RFC5: variants seen among roughly 807,000 people sequenced by gnomAD.
RFC5 encodes the protein replication factor C subunit 5, also known as A1 36 kDa subunit.
RFC5 carries 26 observed loss-of-function variants against 44.3 expected under a neutral mutation model. That is an observed-to-expected ratio of 0.59 (90% CI 0.43 to 0.81). The LOEUF is 0.81. RFC5 is among the 40% of genes least tolerant of loss of function. The pLI, the probability that RFC5 is intolerant of heterozygous loss-of-function variation, is 0.00. For missense variants in RFC5, 328 were observed against 418.6 expected (o/e 0.78, Z 1.89); for synonymous variants, 155 against 155.2 (o/e 1.00, Z 0.01).
intron 1 of RFC5, chr12:118,017,862 A>G (rs2030203904): frequency 1.5e-6 from 1 of 667,368 alleles, no homozygotes; most frequent in East Asian, 2.7e-5. Flanking sequence ...TGTACAATTC[A>G]GTGGCATTAA....
downstream of RFC5, among the ~76,000 whole-genome samples, chr12:118,037,652 C>G (rs1337512279): frequency 7.0e-6 from 1 of 143,222 alleles, no homozygotes; most frequent in Non-Finnish European, 1.5e-5. Flanking sequence ...TGGGCAACAA[C>G]AGCGAAACTC....
chr12:118,021,735 T>C lies in RFC5; in HGVS notation c.348-551T>C, dbSNP rs549684339. 6.0e-5 allele frequency among the ~76,000 whole-genome samples: 9 copies of C among 150,332 alleles called. No individual in the cohort carries two copies. In the South Asian group the frequency reaches 1.9e-3, roughly 32 times the overall value. Reference sequence around the variant, plus strand: ...ACTTTGGGAGGCCTAGGCAGGTGGATCACCTGAGATCAAGGGTTCAAGACC... The same window carrying C: ...ACTTTGGGAGGCCTAGGCAGGTGGACCACCTGAGATCAAGGGTTCAAGACC... On this transcript the variant is annotated intron_variant, in intron 4 of 10. Transcript: ENST00000454402.
intron 9 of RFC5, among the ~76,000 whole-genome samples, chr12:118,028,483 C>CAAAAAAAAAAAA (rs768496355): frequency 8.0e-6 from 1 of 125,544 alleles, no homozygotes; most frequent in Non-Finnish European, 1.7e-5. Context: ...GAGTTTGTCT[C>CAAAAAAAAAAAA]AAAAAAAAAA....
At chr12:118,029,001 T>A (rs1217656819) in intron 9 of RFC5, among the ~76,000 whole-genome samples, 1 of 152,272 alleles carries the variant, frequency 6.6e-6, no homozygotes, top group African/African-American at 2.4e-5. Context: ...CACAGGCCTC[T>A]TCCTGGCTGG....
intron 9 of RFC5, among the ~76,000 whole-genome samples, chr12:118,028,231 C>T (rs1379700795): frequency 1.3e-5 from 2 of 152,120 alleles, no homozygotes; most frequent in South Asian, 4.1e-4. Context: ...AGCCTGTAAT[C>T]CTAGCACTTT....
At chr12:118,025,677 A>T (rs2030882121) in intron 6 of RFC5, 70 bp from the exon 7 acceptor site, 1 of 861,672 alleles carries the variant, frequency 1.2e-6, no homozygotes, top group Non-Finnish European at 2.0e-6. Flanking sequence ...ATTCCAGGCC[A>T]TCTTGTTCCT....
chr12:118,039,025 A>C, the RFC5 span, among the ~76,000 whole-genome samples: 1 of 152,194 alleles, frequency 6.6e-6, no homozygotes, highest in African/African-American at 2.4e-5. Flanking sequence ...TAGGCTCCCC[A>C]ACCACCTCAA....
In RFC5 at chr12:118,016,802, G is replaced by T. The variant is rs887077422; in HGVS notation, c.-26G>T. The T allele has an allele frequency of 4.9e-5, 79 of 1,601,270 alleles. No homozygotes were observed. The highest frequency in any genetic ancestry group is 6.6e-5 in the Non-Finnish European group (77 of 1,173,296). ...CTTGGGTGACGCGACGATCTCAGCG[G>T]ATCTGGTCACCTTCGTCTCCCCGCC... On this transcript the variant is annotated 5_prime_UTR_variant, in exon 1 of 11. Coordinates refer to ENST00000454402, the MANE Select transcript of RFC5 (RefSeq NM_007370.7).
In RFC5 at chr12:118,026,599, A is replaced by C. The variant is rs184070236; in HGVS notation, c.664-290A>C. ...GAGCAACAGAGCAAGACCCTGTCTCAAAAAACAAAGAGAGAGCAAAAGAAA... is the reference window on the plus strand; with the variant it reads ...GAGCAACAGAGCAAGACCCTGTCTCCAAAAACAAAGAGAGAGCAAAAGAAA... On this transcript the variant is annotated intron_variant, in intron 7 of 10. Coordinates refer to ENST00000454402, the MANE Select transcript of RFC5 (RefSeq NM_007370.7). 5.8e-3 allele frequency among the ~76,000 whole-genome samples: 886 copies of C among 152,350 alleles called. 9 individuals are homozygous for C. The highest frequency in any genetic ancestry group is 0.02 in the African/African-American group (834 of 41,578).
At chr12:118,035,162 T>C (rs1404973184), downstream of RFC5, 1 of 1,612,348 alleles carries the variant, frequency 6.2e-7, no homozygotes, top group East Asian at 2.2e-5. Flanking sequence ...CTTGCTGCCA[T>C]TACTTGCAAG....
In RFC5 at chr12:118,025,847, CCT is replaced by C. The variant is rs1566126483; in HGVS notation, c.663+20_663+21del. On this transcript the variant is annotated intron_variant, in intron 7 of 10. Transcript: ENST00000454402. ...TTTGCAGGTATGGTCTCAAGCAAAT[CCT>C]TTTTTTTTTTTTTTTTTGAGACAGA... 3.0e-6 allele frequency: 4 copies of C among 1,338,544 alleles called. No individual in the cohort carries two copies. The African/African-American group carries it at 4.4e-5, about 15-fold the overall frequency. 82.9% of individuals were successfully genotyped at this position (1,338,544 alleles called of 1,614,324 possible).
At chr12:118,023,839 G>A (rs1401150700) in intron 5 of RFC5, among the ~76,000 whole-genome samples, 2 of 152,082 alleles carry the variant, frequency 1.3e-5, no homozygotes, top group Non-Finnish European at 2.9e-5. Flanking sequence ...GGGATTACAT[G>A]GCAAAAGTGC....
At chr12:118,036,468 G>A, downstream of RFC5, 1 of 1,614,176 alleles carries the variant, frequency 6.2e-7, no homozygotes, top group Non-Finnish European at 8.5e-7. Flanking sequence ...TGGCCCTCTA[G>A]CTTCCGAATT....
the RFC5 span, chr12:118,038,532 T>A: frequency 1.6e-6 from 1 of 640,160 alleles, no homozygotes; most frequent in Non-Finnish European, 2.7e-6. Context: ...AATTTTTAAT[T>A]CAGAGTAAGA....
rs1029348759 is a variant in RFC5, at chr12:118,031,948, G to T, written c.*670G>T. 1 of 152,200 alleles carries T rather than the reference G, an allele frequency of 6.6e-6. No individual in the cohort carries two copies. Among genetic ancestry groups the T allele is most frequent in the Non-Finnish European group, 1.5e-5 (1 of 68,034 alleles). 9.4% of individuals were successfully genotyped at this position (152,200 alleles called of 1,614,324 possible). On this transcript the variant is annotated 3_prime_UTR_variant, in exon 11 of 11. Transcript: ENST00000454402. ...GGCAGAGGCTGTATAAAACGCACTT[G>T]TTTTCATGCAGGAGCGGGGCAAGTA... is the stretch of plus-strand genomic sequence containing the variant.
chr12:118,022,157 G>T, intron 4 of RFC5, 129 bp from the exon 5 acceptor site: 1 of 716,572 alleles, frequency 1.4e-6, no homozygotes, highest in Non-Finnish European at 2.5e-6. Context: ...TGTCTGCCTT[G>T]GCCAAAGTTC....
chr12:118,017,018 C>G (rs1372318108), intron 1 of RFC5, 126 bp downstream of exon 1: 2 of 753,646 alleles, frequency 2.7e-6, no homozygotes, highest in Non-Finnish European at 4.6e-6. Flanking sequence ...AGGCCTGCAG[C>G]CGGGACCGAC....
At chr12:118,036,523 A>G (rs754604628), downstream of RFC5, 3 of 1,605,212 alleles carry the variant, frequency 1.9e-6, no homozygotes, top group African/African-American at 4.0e-5. Flanking sequence ...GTGGAAAGTA[A>G]GAAGTGCCTG....
At chr12:118,039,310 G>A in the RFC5 span, among the ~76,000 whole-genome samples, 11 of 152,094 alleles carry the variant, frequency 7.2e-5, no homozygotes, top group Non-Finnish European at 1.3e-4. Context: ...AAAAAAGCCC[G>A]TCCATATAGA....
Sources: allele counts gnomAD v4.1 joint callset (sites outside exome capture counted in the v4.1 genomes callset), GRCh38; gene constraint gnomAD v4.1.1; transcripts MANE v1.5; gene names NCBI Gene and HGNC (gene_info 2026-07-23, HGNC 2026-07-21).